Variants in SYNE1 observed in about 807,000 individuals in gnomAD.
SYNE1 encodes the protein nesprin-1.
A neutral mutation model predicts 1,111.0 loss-of-function variants in SYNE1; 616 were observed. That is an observed-to-expected ratio of 0.55 (90% CI 0.52 to 0.59). The LOEUF is 0.59. Among genes scored for constraint, SYNE1 ranks in the 20% least tolerant of loss-of-function variants. SYNE1 has a pLI of 0.00. For synonymous variants in SYNE1, 3,855 were observed against 3,825.8 expected, an observed-to-expected ratio of 1.01 and a Z score of -0.28; for missense variants, 10,006 against 10,417.0, an observed-to-expected ratio of 0.96 and a Z score of 1.72.
chr6:152,564,806 A>T (rs1446423510), intron 3 of SYNE1, among the ~76,000 whole-genome samples: 1 of 152,186 alleles, frequency 6.6e-6, no homozygotes, highest in East Asian at 1.9e-4. Context: ...GGATCCCAGC[A>T]TCATCATTTA....
intron 127 of SYNE1, among the ~76,000 whole-genome samples, chr6:152,198,111 C>T (rs2074567641): frequency 6.6e-6 from 1 of 152,014 alleles, no homozygotes; most frequent in Non-Finnish European, 1.5e-5. Context: ...GGAGGGTAAC[C>T]ACTTCCATCA....
At chr6:152,444,615 A>G in intron 29 of SYNE1, 37 bp from the exon 30 acceptor site, 1 of 1,569,502 alleles carries the variant, frequency 6.4e-7, no homozygotes, top group Non-Finnish European at 8.7e-7. Context: ...CGTAAATCAT[A>G]TGCTACTTGT....
rs781476277 is a variant in SYNE1 at position 152,398,719 on chromosome 6, T to G, written c.7250A>C (p.Glu2417Ala). Residue 2417 changes from glutamate to alanine, a missense_variant, in exon 49 of 146, where the codon GAA becomes GCA. Around this residue, in one of 7 missense-constraint regions of SYNE1, gnomAD observed 4,955 missense variants for 5,017.2 expected, o/e 0.99. Coordinates refer to ENST00000367255, the MANE Select transcript of SYNE1 (RefSeq NM_182961.4). Reference sequence around the variant, plus strand: ...TGCTCCCAAAAACCATTCTTGGAATTCCTGCATAGACTCTTTTGAAAGAAA... The same window carrying G: ...TGCTCCCAAAAACCATTCTTGGAATGCCTGCATAGACTCTTTTGAAAGAAA... ...LEKHFSESMQ[E>A]FQEWFLGAKA... is the part of the protein sequence containing the mutation. The G allele has an allele frequency of 1.9e-6, 3 of 1,613,440 alleles. No homozygotes were observed. In the South Asian group the frequency reaches 3.3e-5, roughly 18 times the overall value.
Position 152,201,806 on chromosome 6 carries a change from C to A in SYNE1, c.23145+18G>T. 1.2e-6 allele frequency: 2 copies of A among 1,613,842 alleles called. No homozygotes were observed. Among genetic ancestry groups the A allele is most frequent in the Non-Finnish European group, 1.7e-6 (2 of 1,179,814 alleles). On this transcript the variant is annotated intron_variant, in intron 127 of 145. Coordinates refer to ENST00000367255, the MANE Select transcript of SYNE1 (RefSeq NM_182961.4). ...GAGGCACACAGGTGACGGTGAAAAT[C>A]TCAGTTCAGTAATTTACCTTGCAAC... is the stretch of plus-strand genomic sequence containing the variant.
intron 79 of SYNE1, 77 bp from the exon 80 acceptor site, chr6:152,326,179 C>T: frequency 1.2e-6 from 2 of 1,612,414 alleles, no homozygotes; most frequent in Non-Finnish European, 1.7e-6. Context: ...GTCAGTATGT[C>T]TAATGATACT....
chr6:152,595,550 T>C (rs891272454), intron 3 of SYNE1, among the ~76,000 whole-genome samples: 2 of 152,210 alleles, frequency 1.3e-5, no homozygotes, highest in African/African-American at 4.8e-5. Flanking sequence ...AGTAGGTGAA[T>C]GAATAAATGA....
At chr6:152,179,651 A>AGTTT (rs59456354) in intron 129 of SYNE1, among the ~76,000 whole-genome samples, 48,804 of 125,854 alleles carry the variant, frequency 0.39, 9,222 homozygotes, top group South Asian at 0.56. Context: ...TTTTTATGCA[A>AGTTT]GTTTATTTTA....
At chr6:152,125,496 A>G (rs543564938) in intron 145 of SYNE1, 17 of 1,166,772 alleles carry the variant, frequency 1.5e-5, no homozygotes, top group Middle Eastern at 4.1e-4. Context: ...CAATGATTCA[A>G]TGGTTTGCCT....
chr6:152,158,262 C>A (rs2061747502), intron 131 of SYNE1, among the ~76,000 whole-genome samples: 1 of 152,150 alleles, frequency 6.6e-6, no homozygotes, highest in Admixed American at 6.5e-5. Context: ...CTACCAGTAT[C>A]ATTTTTTGTT....
chr6:152,464,794 C>A, intron 18 of SYNE1: 1 of 237,844 alleles, frequency 4.2e-6, no homozygotes, highest in Non-Finnish European at 8.3e-6. Flanking sequence ...TAAATCACTC[C>A]TACCCAGAAT....
chr6:152,451,990 A>C (rs565524189), intron 25 of SYNE1, among the ~76,000 whole-genome samples: 1 of 151,128 alleles, frequency 6.6e-6, no homozygotes, highest in South Asian at 2.1e-4. Context: ...CTTATTACTG[A>C]AAAAAAGTTT....
chr6:152,536,428 T>A (rs1035031332), intron 4 of SYNE1, among the ~76,000 whole-genome samples: 5 of 136,902 alleles, frequency 3.7e-5, no homozygotes, highest in Non-Finnish European at 7.7e-5. Context: ...TATATTTATA[T>A]ATATAACTAT....
rs11969125 is a variant in SYNE1 at position 152,229,352 on chromosome 6, C to A, written c.21195+1195G>T. 4.6e-3 allele frequency among the ~76,000 whole-genome samples: 693 copies of A among 152,210 alleles called. 6 individuals carry two copies. The highest frequency in any genetic ancestry group is 0.016 in the African/African-American group (670 of 41,520). On this transcript the variant is annotated intron_variant, in intron 115 of 145. Coordinates refer to ENST00000367255, the MANE Select transcript of SYNE1 (RefSeq NM_182961.4). Reference sequence around the variant, plus strand: ...ATAGCTCACTTTTCTTTTGGGCACACAAGAAGACCTGTGGAAAGACTGTGT... The same window carrying A: ...ATAGCTCACTTTTCTTTTGGGCACAAAAGAAGACCTGTGGAAAGACTGTGT...
At chr6:152,239,413 G>A (rs2085012505) in intron 108 of SYNE1, 120 bp downstream of exon 108, 4 of 1,192,716 alleles carry the variant, frequency 3.4e-6, no homozygotes, top group Non-Finnish European at 5.0e-6. Context: ...CTGAGCCCGA[G>A]AGCGCAGCTA....
intron 116 of SYNE1, among the ~76,000 whole-genome samples, chr6:152,225,100 T>A (rs2081233131): frequency 6.6e-6 from 1 of 151,652 alleles, no homozygotes; most frequent in Non-Finnish European, 1.5e-5. Context: ...ATGAGATAGG[T>A]ATGATCATTA....
chr6:152,199,816 C>T (rs77301383), intron 127 of SYNE1, among the ~76,000 whole-genome samples: 2,346 of 152,218 alleles, frequency 0.015, 36 homozygotes, highest in Non-Finnish European at 0.021. Flanking sequence ...TGTTTTGCTG[C>T]TAAGGGCAGT....
At chr6:152,476,844 C>G (rs1554782) in intron 14 of SYNE1, among the ~76,000 whole-genome samples, 78,294 of 149,158 alleles carry the variant, frequency 0.52, 22,177 homozygotes, top group East Asian at 0.76. Flanking sequence ...ACTCCCGCCT[C>G]GGCAACAGAG....
chr6:152,585,989 C>A (rs1023254792), intron 3 of SYNE1, among the ~76,000 whole-genome samples: 1 of 152,036 alleles, frequency 6.6e-6, no homozygotes, highest in Non-Finnish European at 1.5e-5. Context: ...CAGCTCCTTT[C>A]CTCTGCTTCC....
At chr6:152,165,337 T>C (rs1015258746) in intron 130 of SYNE1, among the ~76,000 whole-genome samples, 1 of 152,230 alleles carries the variant, frequency 6.6e-6, no homozygotes, top group African/African-American at 2.4e-5. Context: ...AATAAATCAA[T>C]GTGTCTCTCT....
Sources: gnomAD v4.1 joint callset for allele counts (sites outside exome capture counted in the v4.1 genomes callset) on GRCh38, gnomAD v4.1.1 for gene constraint, gnomAD v4.1.1 regional missense constraint, MANE v1.5 for transcripts, NCBI Gene and HGNC (gene_info 2026-07-23, HGNC 2026-07-21) for gene names.